MSMO1: variants seen among roughly 807,000 people sequenced by gnomAD.
MSMO1 encodes the protein C-4 methylsterol oxidase.
A neutral mutation model predicts 30.4 loss-of-function variants in MSMO1; 18 were observed. The observed-to-expected ratio is 0.59, with a 90% CI of 0.41 to 0.88. The LOEUF is 0.88. Among genes scored for constraint, MSMO1 ranks in the 40% least tolerant of loss-of-function variants. The probability of loss-of-function intolerance (pLI) is 0.00; values close to 1 mark genes in which losing one functional copy is unlikely to be tolerated. For synonymous variants in MSMO1, 84 were observed against 107.9 expected (o/e 0.78, Z 1.37); for missense variants, 284 against 340.5 (o/e 0.83, Z 1.31).
intron 2 of MSMO1, among the ~76,000 whole-genome samples, chr4:165,335,343 G>A (rs1239954687): frequency 6.6e-6 from 1 of 152,152 alleles, no homozygotes; most frequent in East Asian, 1.9e-4. Flanking sequence ...CAGGCCAAAG[G>A]AGAAAAGAGC....
chr4:165,341,704 T>C, intron 5 of MSMO1, 47 bp from the exon 6 acceptor site: 3 of 1,490,442 alleles, frequency 2.0e-6, no homozygotes, highest in Non-Finnish European at 2.8e-6. Context: ...ACAACAATCA[T>C]TTGAGATGTA....
intron 1 of MSMO1, among the ~76,000 whole-genome samples, chr4:165,329,373 C>T (rs1747323993): frequency 6.6e-6 from 1 of 151,918 alleles, no homozygotes; most frequent in African/African-American, 2.4e-5. Context: ...TTGTTCTTAT[C>T]ACATAATTTT....
At chr4:165,341,213 G>T (rs1301767501) in intron 5 of MSMO1, among the ~76,000 whole-genome samples, 1 of 152,052 alleles carries the variant, frequency 6.6e-6, no homozygotes, top group East Asian at 1.9e-4. Context: ...TTTGTCTTCT[G>T]CCAACTATAG....
At chr4:165,341,670 G>T in intron 5 of MSMO1, 81 bp from the exon 6 acceptor site, 2 of 1,318,786 alleles carry the variant, frequency 1.5e-6, no homozygotes, top group Non-Finnish European at 2.2e-6. Context: ...ATTGGTTAAT[G>T]TGAACACATG....
chr4:165,337,916 A>T lies in MSMO1; in HGVS notation c.383A>T (p.Asp128Val). 1 of 1,613,474 alleles carries T rather than the reference A, an allele frequency of 6.2e-7. No homozygotes were observed. The highest frequency in any genetic ancestry group is 1.1e-5 in the South Asian group (1 of 91,060). The change falls in exon 3 of 6, where the codon GAT becomes GTT. Residue 128 changes from aspartate (D) to valine (V), a missense_variant. Asp to Val is a radical substitution (Grantham distance 152). Transcript: ENST00000261507. ...YFTEYFNIPY[D>V]WERMPRWYFL... ...ACAGAGTATTTCAATATTCCTTATG[A>T]TTGGGAAAGAATGCCAAGATGGTAC...
chr4:165,335,110 A>ATG (rs1334862930), intron 2 of MSMO1, among the ~76,000 whole-genome samples: 1 of 152,164 alleles, frequency 6.6e-6, no homozygotes, highest in East Asian at 1.9e-4. Context: ...GTCATTTTAT[A>ATG]TCAGGCACTT....
chr4:165,335,612 C>T (rs1022362479), intron 2 of MSMO1, among the ~76,000 whole-genome samples: 4 of 152,178 alleles, frequency 2.6e-5, no homozygotes, highest in Non-Finnish European at 5.9e-5. Flanking sequence ...CCTTTTTCTC[C>T]TTCACTGCAG....
chr4:165,329,763 T>C (rs1747340836), intron 1 of MSMO1, among the ~76,000 whole-genome samples: 1 of 150,478 alleles, frequency 6.6e-6, no homozygotes, highest in Admixed American at 6.6e-5. Context: ...GCCTCCCCAG[T>C]AGGTGGAATT....
chr4:165,336,190 C>CACAGGA (rs2126622931), intron 2 of MSMO1, among the ~76,000 whole-genome samples: 1 of 150,176 alleles, frequency 6.7e-6, no homozygotes, highest in South Asian at 2.1e-4. Flanking sequence ...GCGAAAATTT[C>CACAGGA]ACAGGAATGA....
chr4:165,335,812 T>G (rs765169751), intron 2 of MSMO1, among the ~76,000 whole-genome samples: 3 of 152,266 alleles, frequency 2.0e-5, no homozygotes, highest in Non-Finnish European at 4.4e-5. Context: ...AAGTCTGTAC[T>G]CAGCAAGTCT....
chr4:165,333,307 T>C, intron 1 of MSMO1, 33 bp from the exon 2 acceptor site: 7 of 1,538,670 alleles, frequency 4.5e-6, no homozygotes, highest in East Asian at 2.3e-5. Context: ...AAGCTCATTG[T>C]TTAACTTATT....
At chr4:165,331,555 A>T (rs1450788108) in intron 1 of MSMO1, among the ~76,000 whole-genome samples, 3 of 152,186 alleles carry the variant, frequency 2.0e-5, no homozygotes, top group African/African-American at 7.2e-5. Context: ...GATGAGTAGG[A>T]CAGAAGGAGG....
chr4:165,335,193 A>T (rs1747505967), intron 2 of MSMO1, among the ~76,000 whole-genome samples: 1 of 152,162 alleles, frequency 6.6e-6, no homozygotes. Flanking sequence ...GGACAACTGT[A>T]TATATTTTGG....
Position 165,341,798 on chromosome 4 carries a change from C to G in MSMO1, c.734C>G (p.Ala245Gly). The change falls in exon 6 of 6, where the codon GCT (alanine) becomes GGT (glycine). Residue 245 changes from alanine (A) to glycine (G), a missense_variant. Coordinates refer to ENST00000261507, the MANE Select transcript of MSMO1 (RefSeq NM_006745.5). ...CCTTTAAATCTGATCCCTTTCTATGCTGGTTCTCGGCATCATGATTTCCAC... is the reference window on the plus strand; with the variant it reads ...CCTTTAAATCTGATCCCTTTCTATGGTGGTTCTCGGCATCATGATTTCCAC... ...LNPLNLIPFY[A>G]GSRHHDFHHM... The G allele has an allele frequency of 6.2e-7, 1 of 1,613,540 alleles. No homozygotes were observed. The highest frequency in any genetic ancestry group is 8.5e-7 in the Non-Finnish European group (1 of 1,179,586).
At chr4:165,337,390 T>TA (rs1747583997) in intron 2 of MSMO1, among the ~76,000 whole-genome samples, 3 of 152,230 alleles carry the variant, frequency 2.0e-5, no homozygotes, top group Non-Finnish European at 4.4e-5. Context: ...AGCATCGACT[T>TA]ACTGTGTAAA....
At position 165,331,908 on chromosome 4, in the gene MSMO1, A is replaced by G. The variant is rs72494046; in HGVS notation, c.-31-1432A>G. On this transcript the variant is annotated intron_variant, in intron 1 of 5. Transcript: ENST00000261507. ...TGTCAGATTTTTTTTTCTGTCTTCC[A>G]TAACACTATTTCCTACCCCGCCGCG... is the stretch of plus-strand genomic sequence containing the variant. 2.4e-3 allele frequency among the ~76,000 whole-genome samples: 364 copies of G among 152,080 alleles called. 9 individuals carry two copies. The East Asian group carries it at 0.033, about 14-fold the overall frequency.
At chr4:165,332,480 C>T (rs1747424096) in intron 1 of MSMO1, among the ~76,000 whole-genome samples, 1 of 152,194 alleles carries the variant, frequency 6.6e-6, no homozygotes, top group Admixed American at 6.5e-5. Context: ...CTTAGCGGAT[C>T]TGTCTTTGTA....
chr4:165,340,329 T>C lies in MSMO1; in HGVS notation c.640T>C (p.Trp214Arg), dbSNP rs1173309247. The change falls in exon 5 of 6, where the codon TGG becomes CGG. Residue 214 changes from tryptophan to arginine, a missense_variant. Trp to Arg is a moderately radical substitution (Grantham distance 101). Coordinates refer to ENST00000261507, the MANE Select transcript of MSMO1 (RefSeq NM_006745.5). The part of the protein sequence containing the change: ...VLLCDHVILL[W>R]AWVTIRLLET... ...TTTGTGTGATCATGTAATTCTTCTT[T>C]GGGCATGGGTGACCATTCGTTTATT... is the stretch of plus-strand genomic sequence containing the variant. 6.2e-7 allele frequency: 1 copy of C among 1,613,966 alleles called. No individual in the cohort carries two copies. The highest frequency in any genetic ancestry group is 1.3e-5 in the African/African-American group (1 of 75,056).
At chr4:165,336,434 G>C (rs190538095) in intron 2 of MSMO1, among the ~76,000 whole-genome samples, 1 of 152,102 alleles carries the variant, frequency 6.6e-6, no homozygotes, top group Non-Finnish European at 1.5e-5. Flanking sequence ...AACTGTCTTT[G>C]TAACTAATTT....
Sources: gnomAD v4.1 joint callset for allele counts (sites outside exome capture counted in the v4.1 genomes callset) on GRCh38, gnomAD v4.1.1 for gene constraint, MANE v1.5 for transcripts, NCBI Gene and HGNC (gene_info 2026-07-23, HGNC 2026-07-21) for gene names.